Variants in USH2A observed in about 807,000 individuals in gnomAD.
USH2A encodes Usher syndrome 2A (autosomal recessive, mild).
A neutral mutation model predicts 538.9 loss-of-function variants in USH2A; 443 were observed. The observed-to-expected ratio is 0.82, with a 90% CI of 0.76 to 0.89. USH2A has a LOEUF of 0.89. USH2A is among the 40% of genes least tolerant of loss of function. USH2A has a pLI of 0.00. For synonymous variants in USH2A, 2,413 were observed against 2,273.5 expected (o/e 1.06, Z -1.75); for missense variants, 6,633 against 6,324.8 (o/e 1.05, Z -1.65).
At chr1:215,851,187 C>T (rs1040932355) in intron 44 of USH2A, among the ~76,000 whole-genome samples, 1 of 151,870 alleles carries the variant, frequency 6.6e-6, no homozygotes, top group African/African-American at 2.4e-5. Context: ...AAAGAAATAA[C>T]CAAAATCAAA....
At chr1:215,787,790 TC>T (rs1163999919) in intron 51 of USH2A, among the ~76,000 whole-genome samples, 1 of 152,132 alleles carries the variant, frequency 6.6e-6, no homozygotes, top group Non-Finnish European at 1.5e-5. Flanking sequence ...ATGTCTATAA[TC>T]CCAACACTTT....
At chr1:215,878,641 CAG>C (rs1664832659) in intron 42 of USH2A, 121 bp downstream of exon 42, 5 of 911,624 alleles carry the variant, frequency 5.5e-6, no homozygotes, top group Admixed American at 2.0e-5. Flanking sequence ...AGTTATGAGT[CAG>C]GGGATATTCA....
chr1:216,259,094 A>AATAAC (rs1207998611), intron 11 of USH2A, among the ~76,000 whole-genome samples: 2 of 152,260 alleles, frequency 1.3e-5, no homozygotes, highest in East Asian at 3.9e-4. Flanking sequence ...TGTTCCTGTT[A>AATAAC]AGCAGCCAAA....
intron 64 of USH2A, among the ~76,000 whole-genome samples, chr1:215,652,300 G>A (rs961990986): frequency 1.3e-5 from 2 of 151,596 alleles, no homozygotes; most frequent in Non-Finnish European, 1.5e-5. Flanking sequence ...AATGAGCAGG[G>A]TTTTTGATTC....
Position 216,078,205 on chromosome 1 carries a change from A to G in USH2A, c.5456T>C (p.Leu1819Pro). The change falls in exon 27 of 72, where the codon CTG becomes CCG. Residue 1819 changes from leucine to proline, a missense_variant. Coordinates refer to ENST00000307340, the MANE Select transcript of USH2A (RefSeq NM_206933.4). ...TCCGGACTCCGATGCATGCTTCATC[A>G]GTCCATTCACACTTGCTGATATGAA... ...GSFISASVNG[L>P]MKHASESGDQ... is the part of the protein sequence containing the mutation. 6.2e-7 allele frequency: 1 copy of G among 1,613,902 alleles called. No homozygotes were observed. The highest frequency in any genetic ancestry group is 8.5e-7 in the Non-Finnish European group (1 of 1,179,822).
intron 3 of USH2A, among the ~76,000 whole-genome samples, chr1:216,374,014 A>G (rs12724618): frequency 6.7e-6 from 1 of 150,136 alleles, no homozygotes; most frequent in Non-Finnish European, 1.5e-5. Flanking sequence ...CAAAAAACCA[A>G]ACACTGCATG....
intron 35 of USH2A, among the ~76,000 whole-genome samples, chr1:215,971,701 T>C (rs1251257443): frequency 6.6e-6 from 1 of 152,160 alleles, no homozygotes; most frequent in Non-Finnish European, 1.5e-5. Flanking sequence ...TAAACAAGAA[T>C]TATAAATGCT....
chr1:216,063,402 T>A (rs574534396), intron 30 of USH2A, among the ~76,000 whole-genome samples: 10 of 152,302 alleles, frequency 6.6e-5, no homozygotes, highest in Non-Finnish European at 1.5e-4. Context: ...TTATCCTGAG[T>A]CTTCACAATG....
intron 56 of USH2A, 109 bp from the exon 57 acceptor site, chr1:215,759,952 A>G (rs1660932117): frequency 7.8e-7 from 1 of 1,279,164 alleles, no homozygotes; most frequent in Admixed American, 1.8e-5. Flanking sequence ...TTGATTTTAA[A>G]AAATATCTAA....
intron 21 of USH2A, among the ~76,000 whole-genome samples, chr1:216,156,068 T>G (rs529011641): frequency 6.6e-6 from 1 of 152,234 alleles, no homozygotes; most frequent in Admixed American, 6.5e-5. Flanking sequence ...AAATTTTCAA[T>G]GTGATGGCCC....
At chr1:216,386,174 C>T (rs1168777269) in intron 3 of USH2A, among the ~76,000 whole-genome samples, 2 of 152,070 alleles carry the variant, frequency 1.3e-5, no homozygotes, top group African/African-American at 4.8e-5. Context: ...ATGAATAACA[C>T]AAAACAATAA....
In USH2A at chr1:216,120,219, CAAAAAAAAAAAAAAAAA is replaced by C. The variant is rs10525093; in HGVS notation, c.4628-23023_4628-23007del. On this transcript the variant is annotated intron_variant, in intron 21 of 71. Coordinates refer to ENST00000307340, the MANE Select transcript of USH2A (RefSeq NM_206933.4). ...TATTAAAACAGGTCATACTAAATAG[CAAAAAAAAAAAAAAAAA>C]AAAAAAAAAAAAAAATGGCTGGGCA... Among the ~76,000 whole-genome samples the C allele has an allele frequency of 8.3e-4, 83 of 100,012 alleles. 3 individuals are homozygous for C. The highest frequency in any genetic ancestry group is 3.7e-3 in the South Asian group (9 of 2,448). The allele number at this position is 100,012 out of a possible 152,430, so 65.6% of individuals were successfully genotyped here.
At chr1:215,761,929 G>A (rs1365572068) in intron 56 of USH2A, among the ~76,000 whole-genome samples, 1 of 152,088 alleles carries the variant, frequency 6.6e-6, no homozygotes, top group Non-Finnish European at 1.5e-5. Flanking sequence ...TGTATCTCCT[G>A]TGTAAGTTAC....
At chr1:215,683,745 T>G (rs1346296928) in intron 61 of USH2A, among the ~76,000 whole-genome samples, 3 of 152,108 alleles carry the variant, frequency 2.0e-5, no homozygotes, top group Non-Finnish European at 4.4e-5. Flanking sequence ...CTTTCCTTCT[T>G]CTCTCACTCC....
intron 55 of USH2A, 145 bp downstream of exon 55, chr1:215,779,698 A>G: frequency 2.1e-6 from 2 of 932,614 alleles, no homozygotes; most frequent in East Asian, 2.6e-5. Context: ...ATTAGCATGG[A>G]TAAGTGGGAC....
chr1:216,093,902 C>A (rs1300073914), intron 22 of USH2A, among the ~76,000 whole-genome samples: 2 of 152,170 alleles, frequency 1.3e-5, no homozygotes, highest in Admixed American at 6.5e-5. Context: ...CTAGTTCTAT[C>A]CCTAAACCAC....
chr1:215,686,942 G>T lies in USH2A; in HGVS notation c.12067-6566C>A, dbSNP rs143181780. On this transcript the variant is annotated intron_variant, in intron 61 of 71. Transcript: ENST00000307340. ...AGGCAGGAAGTATAATAACTGAATG[G>T]TGTTAAAACCAATTTTCCTATTTTC... 4.5e-3 allele frequency among the ~76,000 whole-genome samples: 690 copies of T among 152,056 alleles called. 8 individuals carry two copies. The highest frequency in any genetic ancestry group is 8.4e-3 in the Admixed American group (128 of 15,274).
At chr1:216,202,948 G>A (rs894595534) in intron 16 of USH2A, among the ~76,000 whole-genome samples, 2 of 151,980 alleles carry the variant, frequency 1.3e-5, no homozygotes, top group Non-Finnish European at 2.9e-5. Flanking sequence ...ATATTCTATT[G>A]TTACTTTGGT....
chr1:215,696,828 C>A (rs1395209306), intron 61 of USH2A, among the ~76,000 whole-genome samples: 4 of 152,186 alleles, frequency 2.6e-5, no homozygotes, highest in African/African-American at 4.8e-5. Context: ...GGAGCCACTG[C>A]ACTCCAGCCT....
Sources: gnomAD v4.1 joint callset for allele counts (sites outside exome capture counted in the v4.1 genomes callset) on GRCh38, gnomAD v4.1.1 for gene constraint, MANE v1.5 for transcripts, NCBI Gene and HGNC (gene_info 2026-07-23, HGNC 2026-07-21) for gene names.